The following GRIA4 variants were observed in gnomAD, a reference collection of about 807,000 sequenced individuals.
GRIA4 encodes glutamate receptor 4.
Under a neutral mutation model 104.0 loss-of-function variants are expected in GRIA4, and 34 were observed. That is an observed-to-expected ratio of 0.33 (90% CI 0.25 to 0.44). GRIA4 has a LOEUF of 0.44. Among genes scored for constraint, GRIA4 ranks in the 20% least tolerant of loss-of-function variants. GRIA4 has a pLI of 1.00. For synonymous variants in GRIA4, 386 were observed against 381.9 expected (o/e 1.01, Z -0.13); for missense variants, 750 against 1,096.5 (o/e 0.68, Z 4.46).
At chr11:105,725,802 C>A (rs2135590142) in intron 3 of GRIA4, among the ~76,000 whole-genome samples, 1 of 152,094 alleles carries the variant, frequency 6.6e-6, no homozygotes, top group East Asian at 1.9e-4. Flanking sequence ...TCGGGCAACT[C>A]CCTCCCCTAG....
intron 3 of GRIA4, among the ~76,000 whole-genome samples, chr11:105,649,498 T>C (rs931517987): frequency 2.6e-5 from 4 of 152,186 alleles, no homozygotes; most frequent in African/African-American, 7.2e-5. Flanking sequence ...AGGTTTAAGA[T>C]AGAGCCAAAC....
intron 3 of GRIA4, among the ~76,000 whole-genome samples, chr11:105,716,382 GT>G (rs1310160163): frequency 6.6e-6 from 1 of 152,006 alleles, no homozygotes; most frequent in Non-Finnish European, 1.5e-5. Context: ...ACTTTTAGTT[GT>G]TTTATTTATA....
At chr11:105,964,413 A>G (rs1206490285) in intron 14 of GRIA4, among the ~76,000 whole-genome samples, 1 of 152,250 alleles carries the variant, frequency 6.6e-6, no homozygotes, top group East Asian at 1.9e-4. Flanking sequence ...GACCTGAAAT[A>G]ATATGAACAA....
At chr11:105,742,201 A>T (rs939497282) in intron 3 of GRIA4, among the ~76,000 whole-genome samples, 2 of 152,146 alleles carry the variant, frequency 1.3e-5, no homozygotes, top group Non-Finnish European at 2.9e-5. Flanking sequence ...AGCCTTCTGA[A>T]ACAATTTGAA....
intron 3 of GRIA4, among the ~76,000 whole-genome samples, chr11:105,722,204 T>C (rs1216438512): frequency 6.6e-6 from 1 of 152,158 alleles, no homozygotes; most frequent in African/African-American, 2.4e-5. Context: ...TGACTTTTTG[T>C]GGTTGGACTT....
At chr11:105,936,543 T>C (rs1179564912) in intron 14 of GRIA4, among the ~76,000 whole-genome samples, 2 of 152,204 alleles carry the variant, frequency 1.3e-5, no homozygotes, top group Non-Finnish European at 2.9e-5. Flanking sequence ...AAGAAAACAG[T>C]AATCTGTCCT....
intron 4 of GRIA4, among the ~76,000 whole-genome samples, chr11:105,815,675 CAA>C (rs112993668): frequency 2.2e-4 from 32 of 146,714 alleles, no homozygotes; most frequent in African/African-American, 7.4e-4. Context: ...GAAAAACGAC[CAA>C]AAAAAAAAAT....
intron 3 of GRIA4, among the ~76,000 whole-genome samples, chr11:105,692,654 A>T (rs1384655446): frequency 2.0e-5 from 3 of 152,230 alleles, no homozygotes; most frequent in Non-Finnish European, 2.9e-5. Context: ...TTTCAACTTT[A>T]AAAGTCAAAT....
chr11:105,656,724 C>A (rs1951857835), intron 3 of GRIA4, among the ~76,000 whole-genome samples: 1 of 151,954 alleles, frequency 6.6e-6, no homozygotes, highest in Non-Finnish European at 1.5e-5. Context: ...TTTCAATAAT[C>A]TTCATTGAAA....
chr11:105,741,650 G>T (rs906713710), intron 3 of GRIA4, among the ~76,000 whole-genome samples: 5 of 152,074 alleles, frequency 3.3e-5, no homozygotes, highest in African/African-American at 1.2e-4. Context: ...ATTCCCTTTG[G>T]TCACCAGCCT....
chr11:105,805,765 T>C (rs1257295308), intron 4 of GRIA4, among the ~76,000 whole-genome samples: 1 of 151,882 alleles, frequency 6.6e-6, no homozygotes. Context: ...ATTTATGAAA[T>C]TTTAAAAGCC....
rs1206289855 is a variant in GRIA4 at position 105,622,866 on chromosome 11, G to A, written c.247+10432G>A. Among the ~76,000 whole-genome samples, 6 of 151,502 alleles carry A rather than the reference G, an allele frequency of 4.0e-5. No homozygotes were observed. In the South Asian group the frequency reaches 8.3e-4, roughly 21 times the overall value. ...CCCCCCATTATTCAGAGTCTACAAT[G>A]TCTATTAGTCCAAACTCAGTTGTCC... On this transcript the variant is annotated intron_variant, in intron 3 of 16. Transcript: ENST00000282499.
intron 4 of GRIA4, among the ~76,000 whole-genome samples, chr11:105,790,664 C>T (rs1942176830): frequency 6.6e-6 from 1 of 152,130 alleles, no homozygotes; most frequent in Non-Finnish European, 1.5e-5. Context: ...AGACATAATG[C>T]TATAAATTTA....
intron 9 of GRIA4, among the ~76,000 whole-genome samples, chr11:105,905,535 T>C (rs958930586): frequency 2.0e-5 from 3 of 152,138 alleles, no homozygotes; most frequent in African/African-American, 7.2e-5. Context: ...ATATCTCTTA[T>C]CCAAAATGGA....
At chr11:105,933,696 T>C in intron 13 of GRIA4, 26 bp from the exon 14 acceptor site, 1 of 1,493,742 alleles carries the variant, frequency 6.7e-7, no homozygotes, top group Non-Finnish European at 9.1e-7. Context: ...CTTTCCTGTA[T>C]TTAATTTTAT....
intron 15 of GRIA4, among the ~76,000 whole-genome samples, chr11:105,974,102 TTTG>T (rs765313407): frequency 1.5e-4 from 23 of 152,302 alleles, no homozygotes; most frequent in Non-Finnish European, 2.9e-4. Flanking sequence ...TTAGATACAA[TTTG>T]TTGATAACTA....
At chr11:105,715,100 G>C (rs918056969) in intron 3 of GRIA4, among the ~76,000 whole-genome samples, 10 of 152,154 alleles carry the variant, frequency 6.6e-5, no homozygotes, top group African/African-American at 2.4e-4. Flanking sequence ...ATTTCTAAAA[G>C]TGGACTTTCA....
chr11:105,930,228 G>A (rs752186261), intron 13 of GRIA4, among the ~76,000 whole-genome samples: 3 of 151,912 alleles, frequency 2.0e-5, no homozygotes, highest in Non-Finnish European at 2.9e-5. Context: ...TAAGGCACAG[G>A]GCTATTACTT....
intron 4 of GRIA4, among the ~76,000 whole-genome samples, chr11:105,822,167 T>C (rs1943598225): frequency 6.6e-6 from 1 of 152,102 alleles, no homozygotes; most frequent in African/African-American, 2.4e-5. Context: ...TGACAAATAA[T>C]ATAAATATAA....
Sources: allele counts gnomAD v4.1 joint callset (sites outside exome capture counted in the v4.1 genomes callset), GRCh38; gene constraint gnomAD v4.1.1; transcripts MANE v1.5; gene names NCBI Gene and HGNC (gene_info 2026-07-23, HGNC 2026-07-21).